Variants in ZMYND8 observed in about 807,000 individuals in gnomAD.
ZMYND8 encodes zinc finger MYND-type containing 8, also known as MYND-type zinc finger-containing chromatin reader ZMYND8.
Under a neutral mutation model 140.8 loss-of-function variants are expected in ZMYND8, and 37 were observed. That is an observed-to-expected ratio of 0.26 (90% confidence interval 0.20 to 0.35). The LOEUF (loss-of-function observed/expected upper bound fraction) is 0.35. ZMYND8 is among the 10% of genes least tolerant of loss of function. ZMYND8 has a pLI of 1.00. For missense variants in ZMYND8, 1,068 were observed against 1,570.0 expected, an observed-to-expected ratio of 0.68 and a Z score of 5.40; for synonymous variants, 592 against 597.1, an observed-to-expected ratio of 0.99 and a Z score of 0.12.
chr20:47,232,808 A>G (rs1651785951), intron 16 of ZMYND8, among the ~76,000 whole-genome samples: 1 of 152,198 alleles, frequency 6.6e-6, no homozygotes, highest in South Asian at 2.1e-4. Context: ...ATTCTCTAAT[A>G]ATCCTACAGA....
At chr20:47,218,281 T>C (rs1223174654) in intron 21 of ZMYND8, among the ~76,000 whole-genome samples, 1 of 152,156 alleles carries the variant, frequency 6.6e-6, no homozygotes. Context: ...TCATTCATCT[T>C]CTCAGATGCC....
chr20:47,289,657 C>T (rs1403995012), intron 7 of ZMYND8, among the ~76,000 whole-genome samples: 1 of 151,228 alleles, frequency 6.6e-6, no homozygotes, highest in Non-Finnish European at 1.5e-5. Context: ...ACTAATAACA[C>T]ATAACACAGA....
At chr20:47,356,372 T>A (rs1345738234) in intron 1 of ZMYND8, 6 of 1,508,156 alleles carry the variant, frequency 4.0e-6, no homozygotes, top group Middle Eastern at 1.7e-4. Flanking sequence ...GCTTCTTTTT[T>A]GGCATACCAG....
intron 10 of ZMYND8, among the ~76,000 whole-genome samples, chr20:47,279,464 T>C (rs1440872989): frequency 1.3e-5 from 2 of 151,508 alleles, no homozygotes; most frequent in African/African-American, 4.9e-5. Flanking sequence ...AAAACAAGCC[T>C]GGGTGACAGA....
intron 2 of ZMYND8, chr20:47,319,935 A>C (rs2079778788): frequency 6.9e-6 from 1 of 145,496 alleles, no homozygotes; most frequent in African/African-American, 2.5e-5. Flanking sequence ...ACTCGACCGG[A>C]ACACCACAAA....
At position 47,210,757 on chromosome 20, in the gene ZMYND8, A is replaced by G; in HGVS notation, c.*4T>C. The G allele has an allele frequency of 6.2e-7, 1 of 1,613,912 alleles. No individual in the cohort carries two copies. Among genetic ancestry groups the G allele is most frequent in the Non-Finnish European group, 8.5e-7 (1 of 1,179,966 alleles). ...GGGTGGGTGGTTTGTGTCCCGATTCACTGCTAGTCCCAGAAGGTGTCCAGC... is the reference window on the plus strand; with the variant it reads ...GGGTGGGTGGTTTGTGTCCCGATTCGCTGCTAGTCCCAGAAGGTGTCCAGC... On this transcript the variant is annotated 3_prime_UTR_variant, in exon 23 of 23. Coordinates refer to ENST00000471951, the MANE Select transcript of ZMYND8 (RefSeq NM_001281775.3).
chr20:47,232,682 A>AGCTGGGAC (rs1293264334), intron 16 of ZMYND8, among the ~76,000 whole-genome samples: 3 of 152,222 alleles, frequency 2.0e-5, no homozygotes, highest in Admixed American at 6.5e-5. Flanking sequence ...ATAAGCAAAC[A>AGCTGGGAC]GCTGGGACTA....
rs563387261 is a variant in ZMYND8 at position 47,222,522 on chromosome 20, C to T, written c.3257-1048G>A. 9.3e-4 allele frequency among the ~76,000 whole-genome samples: 141 copies of T among 151,556 alleles called. No individual in the cohort carries two copies. The Middle Eastern group carries it at 0.01, about 11-fold the overall frequency. ...TTGCACTCCAGCCTGGGAGAAAGAG[C>T]GAGACTCCGTCTCAACGAAAAAAAA... On this transcript the variant is annotated intron_variant, in intron 19 of 22. Transcript: ENST00000471951.
intron 4 of ZMYND8, among the ~76,000 whole-genome samples, chr20:47,296,701 A>T (rs1463180564): frequency 1.3e-5 from 2 of 152,104 alleles, no homozygotes; most frequent in Non-Finnish European, 2.9e-5. Context: ...CACACCTATA[A>T]TCCCAACAAT....
At chr20:47,237,150 CTT>C (rs888571132) in intron 15 of ZMYND8, among the ~76,000 whole-genome samples, 14 of 140,556 alleles carry the variant, frequency 1.0e-4, no homozygotes, top group South Asian at 2.3e-4. Flanking sequence ...TGGCAGCGCT[CTT>C]TTTTTTTTTT....
chr20:47,287,438 T>C (rs2076992441), intron 7 of ZMYND8, among the ~76,000 whole-genome samples, 154 bp from the exon 8 acceptor site: 1 of 152,232 alleles, frequency 6.6e-6, no homozygotes, highest in Non-Finnish European at 1.5e-5. Context: ...CTAATAGTAA[T>C]TCACATTATG....
chr20:47,266,939 A>G (rs1028766374), intron 11 of ZMYND8, among the ~76,000 whole-genome samples: 2 of 152,170 alleles, frequency 1.3e-5, no homozygotes, highest in Non-Finnish European at 2.9e-5. Flanking sequence ...TAGGTACACA[A>G]ACAAATCCTT....
intron 11 of ZMYND8, among the ~76,000 whole-genome samples, chr20:47,262,937 T>C (rs1178084657): frequency 6.6e-6 from 1 of 152,206 alleles, no homozygotes; most frequent in Non-Finnish European, 1.5e-5. Flanking sequence ...CTTGAGGCTA[T>C]GTAAAGCCAA....
At chr20:47,337,822 TA>T (rs2081506793) in intron 2 of ZMYND8, among the ~76,000 whole-genome samples, 1 of 152,066 alleles carries the variant, frequency 6.6e-6, no homozygotes, top group African/African-American at 2.4e-5. Flanking sequence ...TCCTGAGAGC[TA>T]AAACGCTCTA....
intron 21 of ZMYND8, 24 bp downstream of exon 21, chr20:47,220,234 T>A: frequency 6.5e-7 from 1 of 1,549,378 alleles, no homozygotes; most frequent in Non-Finnish European, 8.7e-7. Context: ...GAAAGCACCG[T>A]TCGCCCACCA....
At chr20:47,290,555 C>CCAATA (rs2077187665) in intron 6 of ZMYND8, among the ~76,000 whole-genome samples, 1 of 150,198 alleles carries the variant, frequency 6.7e-6, no homozygotes, top group Non-Finnish European at 1.5e-5. Context: ...GTAGCTTCTT[C>CCAATA]CAATAAACAG....
At position 47,229,823 on chromosome 20, in the gene ZMYND8, G is replaced by T; in HGVS notation, c.2857-17C>A. On this transcript the variant is annotated splice_polypyrimidine_tract_variant and intron_variant, in intron 16 of 22. Coordinates refer to ENST00000471951, the MANE Select transcript of ZMYND8 (RefSeq NM_001281775.3). ...ATCCATCATCTGAAAGATAAAAACA[G>T]AAACAATTCAGCTGATCACTTCTTG... is the stretch of plus-strand genomic sequence containing the variant. 1 of 1,601,144 alleles carries T rather than the reference G, an allele frequency of 6.2e-7. No homozygotes were observed. The highest frequency in any genetic ancestry group is 8.5e-7 in the Non-Finnish European group (1 of 1,169,656).
intron 3 of ZMYND8, among the ~76,000 whole-genome samples, chr20:47,306,362 A>C (rs1310020045): frequency 6.6e-6 from 1 of 152,024 alleles, no homozygotes; most frequent in East Asian, 1.9e-4. Context: ...AGGTTGCAGT[A>C]AGCTGTGATC....
intron 11 of ZMYND8, among the ~76,000 whole-genome samples, chr20:47,270,693 C>G (rs1487688633): frequency 2.4e-5 from 2 of 83,998 alleles, no homozygotes; most frequent in African/African-American, 1.2e-4. Flanking sequence ...AGGACCCTGT[C>G]TCTGAAAAAA....
Sources: gnomAD v4.1 joint callset for allele counts (sites outside exome capture counted in the v4.1 genomes callset) on GRCh38, gnomAD v4.1.1 for gene constraint, MANE v1.5 for transcripts, NCBI Gene and HGNC (gene_info 2026-07-23, HGNC 2026-07-21) for gene names.